KLC1: variants seen among roughly 807,000 people sequenced by gnomAD.
KLC1 encodes the protein kinesin 2 60/70kDa.
A neutral mutation model predicts 84.2 loss-of-function variants in KLC1; 30 were observed. The observed-to-expected ratio is 0.36, with a 90% CI of 0.27 to 0.48. The LOEUF is 0.48. Ranked by LOEUF, KLC1 falls within the 20% of genes least tolerant of loss-of-function variation. The pLI is 0.99. For missense variants in KLC1, 499 were observed against 805.4 expected, an observed-to-expected ratio of 0.62 and a Z score of 4.60; for synonymous variants, 289 against 293.3, an observed-to-expected ratio of 0.99 and a Z score of 0.15.
At chr14:103,676,666 A>T (rs2080909541) in intron 11 of KLC1, among the ~76,000 whole-genome samples, 1 of 152,306 alleles carries the variant, frequency 6.6e-6, no homozygotes, top group Admixed American at 6.5e-5. Flanking sequence ...CTTACCATAG[A>T]TTACTTGTTT....
Position 103,660,169 on chromosome 14 carries a change from G to A in KLC1, c.493-1947G>A, listed in dbSNP as rs2079157396. Among the ~76,000 whole-genome samples, 5 of 152,204 alleles carry A rather than the reference G, an allele frequency of 3.3e-5. No homozygotes were observed. In the South Asian group the frequency reaches 1.0e-3, roughly 32 times the overall value. ...CCCTCACATCTCCTCTAGGTTAGGGGCCAACTAAATGTTTTGATTTAAAAG... is the reference window on the plus strand; with the variant it reads ...CCCTCACATCTCCTCTAGGTTAGGGACCAACTAAATGTTTTGATTTAAAAG... On this transcript the variant is annotated intron_variant, in intron 3 of 16. Coordinates refer to ENST00000334553, the MANE Select transcript of KLC1 (RefSeq NM_001394837.1).
At chr14:103,685,807 G>C (rs1053339311) in intron 13 of KLC1, 1 of 1,209,530 alleles carries the variant, frequency 8.3e-7, no homozygotes, top group Non-Finnish European at 1.0e-6. Context: ...GTCCTTTTTG[G>C]GGGGGTTCCT....
chr14:103,675,805 G>A, intron 11 of KLC1, 49 bp downstream of exon 11: 1 of 1,496,258 alleles, frequency 6.7e-7, no homozygotes, highest in Non-Finnish European at 9.3e-7. Context: ...GCAGGGGGAA[G>A]GTAATTGTGT....
chr14:103,700,876 G>GTCCC (rs762734415), intron 16 of KLC1, 149 bp downstream of exon 16: 26 of 690,436 alleles, frequency 3.8e-5, no homozygotes, highest in Non-Finnish European at 5.4e-5. Flanking sequence ...TTGGCTCAGG[G>GTCCC]TCCCCATCCT....
chr14:103,645,173 A>G (rs1291713626), intron 1 of KLC1, among the ~76,000 whole-genome samples: 2 of 152,002 alleles, frequency 1.3e-5, no homozygotes, highest in Admixed American at 1.3e-4. Flanking sequence ...GGGTTTCTCC[A>G]TGTTTGCTAG....
chr14:103,630,427 T>C (rs1216620326), intron 1 of KLC1, among the ~76,000 whole-genome samples: 1 of 152,230 alleles, frequency 6.6e-6, no homozygotes, highest in Non-Finnish European at 1.5e-5. Flanking sequence ...ACAAAAATGA[T>C]GTTTTTTAAA....
intron 4 of KLC1, 146 bp from the exon 5 acceptor site, chr14:103,662,556 C>A: frequency 1.5e-6 from 1 of 652,890 alleles, no homozygotes; most frequent in Non-Finnish European, 2.6e-6. Flanking sequence ...ACCCTGCCTG[C>A]CCAGACAGTA....
intron 1 of KLC1, among the ~76,000 whole-genome samples, chr14:103,645,727 A>G (rs2077866701): frequency 6.6e-6 from 1 of 151,794 alleles, no homozygotes; most frequent in Non-Finnish European, 1.5e-5. Flanking sequence ...ATATCTAAAC[A>G]TAGAAAAGAT....
At chr14:103,700,203 G>T (rs947823751) in intron 15 of KLC1, 6 of 195,222 alleles carry the variant, frequency 3.1e-5, no homozygotes, top group Non-Finnish European at 6.4e-5. Flanking sequence ...CAAGGCCAGT[G>T]CCTCCCGTGC....
intron 13 of KLC1, among the ~76,000 whole-genome samples, chr14:103,680,049 T>C (rs2081221281): frequency 6.6e-6 from 1 of 152,216 alleles, no homozygotes; most frequent in Admixed American, 6.5e-5. Flanking sequence ...ATGTCCTGCC[T>C]CAGTCCTGAG....
At chr14:103,646,384 T>G (rs766330764) in intron 1 of KLC1, among the ~76,000 whole-genome samples, 2 of 152,122 alleles carry the variant, frequency 1.3e-5, no homozygotes, top group Admixed American at 6.6e-5. Context: ...TCACGCAGCC[T>G]TGAACTCCTG....
chr14:103,673,547 G>T, intron 9 of KLC1, 116 bp downstream of exon 9: 1 of 637,122 alleles, frequency 1.6e-6, no homozygotes, highest in African/African-American at 1.9e-5. Context: ...ACATCACTAA[G>T]CTAAATAGTT....
intron 1 of KLC1, among the ~76,000 whole-genome samples, chr14:103,639,269 T>C (rs931607759): frequency 2.0e-5 from 3 of 152,138 alleles, no homozygotes; most frequent in Non-Finnish European, 2.9e-5. Context: ...TAGCTGGAAC[T>C]ACAGGCATGT....
At chr14:103,659,791 GGGCT>G (rs1325365160) in intron 3 of KLC1, among the ~76,000 whole-genome samples, 2 of 152,010 alleles carry the variant, frequency 1.3e-5, no homozygotes, top group Admixed American at 1.3e-4. Flanking sequence ...CAAATACCAC[GGGCT>G]GGATGGCTTA....
At chr14:103,658,431 T>C (rs974459844) in intron 3 of KLC1, among the ~76,000 whole-genome samples, 2 of 138,280 alleles carry the variant, frequency 1.4e-5, no homozygotes, top group Non-Finnish European at 3.1e-5. Context: ...CAGCTAAGTT[T>C]TTTTTTTTTT....
At chr14:103,662,314 C>T in intron 4 of KLC1, 120 bp downstream of exon 4, 1 of 834,866 alleles carries the variant, frequency 1.2e-6, no homozygotes, top group Non-Finnish European at 2.1e-6. Flanking sequence ...GGAAGCACCA[C>T]CAGAGCGGGG....
intron 12 of KLC1, among the ~76,000 whole-genome samples, chr14:103,678,268 TTAAAA>T (rs565827229): frequency 2.2e-4 from 33 of 146,812 alleles, no homozygotes; most frequent in South Asian, 8.7e-4. Flanking sequence ...GTCTCAAAAA[TTAAAA>T]TAAAATAAAA....
chr14:103,689,679 G>A (rs2081979048), intron 14 of KLC1, among the ~76,000 whole-genome samples: 1 of 152,168 alleles, frequency 6.6e-6, no homozygotes, highest in South Asian at 2.1e-4. Flanking sequence ...CTGGCCCGGG[G>A]CCACTTTTTG....
At chr14:103,675,303 C>A (rs980500229) in intron 9 of KLC1, among the ~76,000 whole-genome samples, 4 of 152,126 alleles carry the variant, frequency 2.6e-5, no homozygotes, top group African/African-American at 9.7e-5. Context: ...CCAGCCTGGG[C>A]AACAGAGTGA....
Sources: gnomAD v4.1 joint callset for allele counts (sites outside exome capture counted in the v4.1 genomes callset) on GRCh38, gnomAD v4.1.1 for gene constraint, MANE v1.5 for transcripts, NCBI Gene and HGNC (gene_info 2026-07-23, HGNC 2026-07-21) for gene names.